The following STAT5B variants were observed in gnomAD, a reference collection of about 807,000 sequenced individuals.
STAT5B encodes the protein signal transducer and activator of transcription 5B.
Under a neutral mutation model 107.8 loss-of-function variants are expected in STAT5B, and 21 were observed. That is an observed-to-expected ratio of 0.19 (90% CI 0.14 to 0.28). The LOEUF (loss-of-function observed/expected upper bound fraction) is 0.28, where lower values mean the gene tolerates loss of function less well. STAT5B is among the 10% of genes least tolerant of loss of function. The probability of loss-of-function intolerance (pLI) is 1.00; values close to 1 mark genes in which losing one functional copy is unlikely to be tolerated. For missense variants in STAT5B, 565 were observed against 1,008.2 expected (o/e 0.56, Z 5.95); for synonymous variants, 325 against 401.7 (o/e 0.81, Z 2.28).
At chr17:42,258,751 T>C (rs974388711) in intron 1 of STAT5B, among the ~76,000 whole-genome samples, 1 of 152,240 alleles carries the variant, frequency 6.6e-6, no homozygotes, top group Non-Finnish European at 1.5e-5. Flanking sequence ...CCAGAATCTC[T>C]GCAAGTCTCC....
At chr17:42,251,431 T>C (rs920315715) in intron 1 of STAT5B, among the ~76,000 whole-genome samples, 1 of 152,228 alleles carries the variant, frequency 6.6e-6, no homozygotes, top group Non-Finnish European at 1.5e-5. Flanking sequence ...ATCACCAATA[T>C]TTATCACAGA....
intron 1 of STAT5B, among the ~76,000 whole-genome samples, chr17:42,239,992 G>C (rs1369843919): frequency 6.6e-6 from 1 of 152,190 alleles, no homozygotes; most frequent in Non-Finnish European, 1.5e-5. Flanking sequence ...AAATGAGCCG[G>C]GCACGGTGGC....
intron 10 of STAT5B, 45 bp downstream of exon 10, chr17:42,217,332 C>G: frequency 1.2e-6 from 2 of 1,614,206 alleles, no homozygotes; most frequent in Non-Finnish European, 1.7e-6. Flanking sequence ...TTGTTCCCCT[C>G]AAAGACCAGG....
intron 1 of STAT5B, among the ~76,000 whole-genome samples, chr17:42,254,201 C>G (rs2080522652): frequency 1.3e-5 from 2 of 151,964 alleles, no homozygotes; most frequent in South Asian, 4.2e-4. Context: ...CACAGCAAGA[C>G]CTCATCTCTA....
chr17:42,248,472 C>T (rs889455299), intron 1 of STAT5B, among the ~76,000 whole-genome samples: 1 of 151,880 alleles, frequency 6.6e-6, no homozygotes, highest in Non-Finnish European at 1.5e-5. Flanking sequence ...AATAATTGTC[C>T]ACATTTACTA....
Position 42,199,434 on chromosome 17 carries a change from C to T in STAT5B, c.*2304G>A, listed in dbSNP as rs2144184450. ...AAGTTATATTCGATTTTAGTCTCCC[C>T]CTACCCCCTAGAAAAAACCTGCACA... On this transcript the variant is annotated 3_prime_UTR_variant, in exon 19 of 19. Coordinates refer to ENST00000293328, the MANE Select transcript of STAT5B (RefSeq NM_012448.4). 1 of 152,192 alleles carries T rather than the reference C, an allele frequency of 6.6e-6. No individual in the cohort carries two copies. Among genetic ancestry groups the T allele is most frequent in the South Asian group, 2.1e-4 (1 of 4,814 alleles). 9.4% of individuals were successfully genotyped at this position (152,192 alleles called of 1,614,324 possible).
chr17:42,265,377 C>CT lies in STAT5B; in HGVS notation c.-11+10870dup, dbSNP rs371149930. ...GCTAAGTCAAAGGGTATGTACTCTT[C>CT]TTTTTTTTTTTTGAGACGAAGTCTC... On this transcript the variant is annotated intron_variant, in intron 1 of 18. Coordinates refer to ENST00000293328, the MANE Select transcript of STAT5B (RefSeq NM_012448.4). Among the ~76,000 whole-genome samples the CT allele has an allele frequency of 1.4e-3, 157 of 110,454 alleles. 17 individuals are homozygous for CT. Among genetic ancestry groups the CT allele is most frequent in the Middle Eastern group, 5.1e-3 (1 of 198 alleles). The allele number at this position is 110,454 out of a possible 152,430, so 72.5% of individuals were successfully genotyped here.
intron 3 of STAT5B, 42 bp from the exon 4 acceptor site, chr17:42,224,910 C>T: frequency 6.2e-7 from 1 of 1,606,266 alleles, no homozygotes; most frequent in South Asian, 1.1e-5. Flanking sequence ...TGCCACTCCA[C>T]ACTATGGGCC....
chr17:42,256,624 C>G (rs1392911763), intron 1 of STAT5B, among the ~76,000 whole-genome samples: 1 of 152,048 alleles, frequency 6.6e-6, no homozygotes, highest in Non-Finnish European at 1.5e-5. Context: ...TTTTGGGAGG[C>G]TGAGGCGAGC....
rs139131471 is a variant in STAT5B at position 42,202,406 on chromosome 17, G to A, written c.2171C>T (p.Thr724Met). The change falls in exon 18 of 19, where the codon ACG becomes ATG. Residue 724 changes from threonine (T) to methionine (M), a missense_variant. Thr to Met is a moderately conservative substitution (Grantham distance 81). Coordinates refer to ENST00000293328, the MANE Select transcript of STAT5B (RefSeq NM_012448.4). ...TGGGGAGGGGGCCTGGTCCATGTAC[G>A]TGGCGCTGCCGCCCCCGGCATCTGC... ...ASADAGGGSA[T>M]YMDQAPSPAV... 1.4e-5 allele frequency: 22 copies of A among 1,614,126 alleles called. No homozygotes were observed. In the African/African-American group the frequency reaches 1.5e-4, roughly 11 times the overall value.
chr17:42,256,174 A>AT (rs1448092365), intron 1 of STAT5B, among the ~76,000 whole-genome samples: 1 of 152,016 alleles, frequency 6.6e-6, no homozygotes, highest in Non-Finnish European at 1.5e-5. Context: ...ATAAACTCAC[A>AT]TTTTTTCTAT....
At chr17:42,244,274 A>G (rs1165056253) in intron 1 of STAT5B, among the ~76,000 whole-genome samples, 2 of 121,260 alleles carry the variant, frequency 1.6e-5, no homozygotes, top group South Asian at 2.5e-4. Context: ...TTTTTTTTTT[A>G]GAGATGGGGT....
Position 42,232,149 on chromosome 17 carries a change from A to G in STAT5B, c.-10-12T>C. On this transcript the variant is annotated splice_polypyrimidine_tract_variant and intron_variant, in intron 1 of 18. Coordinates refer to ENST00000293328, the MANE Select transcript of STAT5B (RefSeq NM_012448.4). Reference sequence around the variant, plus strand: ...CCATGGTTTACAATCTGTTGAACAAACAATCAGTGCTTTGGGCGTTTTTTC... The same window carrying G: ...CCATGGTTTACAATCTGTTGAACAAGCAATCAGTGCTTTGGGCGTTTTTTC... 6 of 1,613,194 alleles carry G rather than the reference A, an allele frequency of 3.7e-6. No individual in the cohort carries two copies. Among genetic ancestry groups the G allele is most frequent in the Non-Finnish European group, 5.1e-6 (6 of 1,179,476 alleles).
At chr17:42,275,363 C>T (rs1005550043) in intron 1 of STAT5B, 1 of 152,168 alleles carries the variant, frequency 6.6e-6, no homozygotes, top group Non-Finnish European at 1.5e-5. Flanking sequence ...CTTTAAAATT[C>T]TTGTGCTTTT....
intron 3 of STAT5B, among the ~76,000 whole-genome samples, chr17:42,226,447 T>A (rs1443304390): frequency 1.3e-5 from 2 of 152,076 alleles, no homozygotes; most frequent in Admixed American, 6.6e-5. Flanking sequence ...AAGTATTATA[T>A]CAATGCTAAA....
intron 1 of STAT5B, chr17:42,270,592 C>A (rs2080715146): frequency 6.6e-6 from 1 of 152,002 alleles, no homozygotes; most frequent in South Asian, 2.1e-4. Context: ...ATATTTATCA[C>A]CATCTTCATC....
In STAT5B at chr17:42,231,684, A is replaced by G. The variant is rs538337866; in HGVS notation, c.128+316T>C. On this transcript the variant is annotated intron_variant, in intron 2 of 18. Transcript: ENST00000293328. ...TACTTAGGACACTGCTAGGCATCCC[A>G]TGGGCACTCGAAACATATTTGTTGG... Among the ~76,000 whole-genome samples, 4 of 152,266 alleles carry G rather than the reference A, an allele frequency of 2.6e-5. No individual in the cohort carries two copies. The South Asian group carries it at 8.3e-4, about 32-fold the overall frequency.
intron 1 of STAT5B, among the ~76,000 whole-genome samples, chr17:42,262,809 T>TAC (rs66859052): frequency 0.34 from 42,118 of 122,812 alleles, 8,853 homozygotes; most frequent in African/African-American, 0.53. Context: ...TGTGTATATA[T>TAC]ACACACATAT....
intron 1 of STAT5B, among the ~76,000 whole-genome samples, chr17:42,256,147 A>C (rs1256856843): frequency 6.6e-6 from 1 of 152,218 alleles, no homozygotes; most frequent in East Asian, 1.9e-4. Context: ...TGGGGTTAAA[A>C]AACCAGTTTT....
Sources: allele counts gnomAD v4.1 joint callset (sites outside exome capture counted in the v4.1 genomes callset), GRCh38; gene constraint gnomAD v4.1.1; transcripts MANE v1.5; gene names NCBI Gene and HGNC (gene_info 2026-07-23, HGNC 2026-07-21).